The following SLC16A10 variants were observed in gnomAD, a reference collection of about 807,000 sequenced individuals.
SLC16A10 encodes solute carrier family 16 member 10, also known as monocarboxylate transporter 10.
In SLC16A10, 27 loss-of-function variants were observed where a neutral mutation model predicts 40.0. The ratio of observed to expected loss-of-function variants is 0.67; its 90% confidence interval spans 0.50 to 0.93. The LOEUF is 0.93. Ranked by LOEUF, SLC16A10 falls within the 40% of genes least tolerant of loss-of-function variation. The pLI, the probability that SLC16A10 is intolerant of heterozygous loss-of-function variation, is 0.00. For missense variants in SLC16A10, 529 were observed against 658.2 expected (o/e 0.80, Z 2.15); for synonymous variants, 213 against 249.8 (o/e 0.85, Z 1.39).
At chr6:111,101,851 T>C (rs1036648071) in intron 1 of SLC16A10, among the ~76,000 whole-genome samples, 2 of 152,186 alleles carry the variant, frequency 1.3e-5, no homozygotes, top group African/African-American at 2.4e-5. Context: ...AAACTCCTGG[T>C]CTCAAGTGAT....
chr6:111,188,894 A>G (rs1178928817), intron 3 of SLC16A10, among the ~76,000 whole-genome samples: 1 of 152,248 alleles, frequency 6.6e-6, no homozygotes. Context: ...AGATAAGAAC[A>G]TTGAGGCTCA....
At chr6:111,128,253 T>C (rs1771712494) in intron 1 of SLC16A10, among the ~76,000 whole-genome samples, 1 of 152,164 alleles carries the variant, frequency 6.6e-6, no homozygotes, top group South Asian at 2.1e-4. Flanking sequence ...GTTCCAAGCT[T>C]TTTTATCTCC....
intron 1 of SLC16A10, among the ~76,000 whole-genome samples, chr6:111,097,086 T>A (rs978820137): frequency 1.3e-5 from 2 of 152,008 alleles, no homozygotes; most frequent in Non-Finnish European, 2.9e-5. Context: ...GCTCCCAGAG[T>A]GTTGGGATTA....
chr6:111,178,897 T>A (rs1157380249), intron 3 of SLC16A10, among the ~76,000 whole-genome samples: 1 of 152,234 alleles, frequency 6.6e-6, no homozygotes, highest in Non-Finnish European at 1.5e-5. Context: ...TTAAGGTAAG[T>A]TTCCTGGAAT....
chr6:111,109,477 C>T (rs1771346561), intron 1 of SLC16A10, among the ~76,000 whole-genome samples: 1 of 139,126 alleles, frequency 7.2e-6, no homozygotes, highest in South Asian at 2.2e-4. Flanking sequence ...TTTTTCGAGA[C>T]AGAGTTTTGC....
rs776165344 is a variant in SLC16A10 at position 111,230,280 on chromosome 6, T to G, written c.*8045T>G. 25 of 152,248 alleles carry G rather than the reference T, an allele frequency of 1.6e-4. No individual in the cohort carries two copies. Among genetic ancestry groups the G allele is most frequent in the Non-Finnish European group, 2.6e-4 (18 of 68,024 alleles). The allele number at this position is 152,248 out of a possible 1,614,324, so 9.4% of individuals were successfully genotyped here. On this transcript the variant is annotated 3_prime_UTR_variant, in exon 6 of 6. Coordinates refer to ENST00000368851, the MANE Select transcript of SLC16A10 (RefSeq NM_018593.5). The stretch of plus-strand genomic sequence containing the variant: ...TGAGCCACCATGCCCGGCTAGAGAA[T>G]GACAGGTTTCAGTTGAATTCTTCTC...
intron 4 of SLC16A10, among the ~76,000 whole-genome samples, chr6:111,207,177 A>G (rs1488488010): frequency 6.6e-6 from 1 of 152,232 alleles, no homozygotes; most frequent in Non-Finnish European, 1.5e-5. Context: ...AAAATTAGTT[A>G]TTAGTTTGGG....
chr6:111,179,810 C>T (rs1257875160), intron 3 of SLC16A10, among the ~76,000 whole-genome samples: 86 of 152,188 alleles, frequency 5.7e-4, no homozygotes, highest in Non-Finnish European at 1.0e-4. Flanking sequence ...TAACGGTGCC[C>T]GTTATCGCAC....
chr6:111,222,318 C>T lies in SLC16A10; in HGVS notation c.*83C>T. The T allele has an allele frequency of 6.7e-7, 1 of 1,483,926 alleles. No homozygotes were observed. The highest frequency in any genetic ancestry group is 1.4e-5 in the South Asian group (1 of 72,614). 91.9% of individuals were successfully genotyped at this position (1,483,926 alleles called of 1,614,324 possible). A position where few individuals can be genotyped will look rare whatever the true frequency, so the allele number is the denominator to read the frequency against. ...TTCCTTTTATACAAATTGCAAATTT[C>T]ATATTTTTTTAATCACATCCTAGGA... On this transcript the variant is annotated 3_prime_UTR_variant, in exon 6 of 6. Coordinates refer to ENST00000368851, the MANE Select transcript of SLC16A10 (RefSeq NM_018593.5).
At chr6:111,153,970 A>G (rs1357356785) in intron 1 of SLC16A10, among the ~76,000 whole-genome samples, 23 of 152,230 alleles carry the variant, frequency 1.5e-4, no homozygotes, top group Admixed American at 1.5e-3. Flanking sequence ...AGAGGTGTAC[A>G]GAAATGGGTG....
In SLC16A10 at chr6:111,230,955, C is replaced by G. The variant is rs1771106345; in HGVS notation, c.*8720C>G. ...ACAATAGTTGTTCAAATGTAGATCA[C>G]TATGCTGAATGCTCATGCTGGATTT... On this transcript the variant is annotated 3_prime_UTR_variant, in exon 6 of 6. Transcript: ENST00000368851. 1 of 152,138 alleles carries G rather than the reference C, an allele frequency of 6.6e-6. No individual in the cohort carries two copies. The highest frequency in any genetic ancestry group is 6.5e-5 in the Admixed American group (1 of 15,274). The allele number at this position is 152,138 out of a possible 1,614,324, so 9.4% of individuals were successfully genotyped here.
chr6:111,092,991 A>G (rs1170584344), intron 1 of SLC16A10, among the ~76,000 whole-genome samples: 1 of 151,514 alleles, frequency 6.6e-6, no homozygotes, highest in Non-Finnish European at 1.5e-5. Context: ...TAGTGAGCCA[A>G]GATGGCGCCA....
chr6:111,213,298 A>G (rs1297978804), intron 4 of SLC16A10, among the ~76,000 whole-genome samples: 1 of 152,148 alleles, frequency 6.6e-6, no homozygotes, highest in East Asian at 1.9e-4. Flanking sequence ...GTGAATGGGC[A>G]TGGGTTGAGA....
chr6:111,220,803 G>A (rs568300266), intron 5 of SLC16A10, among the ~76,000 whole-genome samples: 1 of 152,352 alleles, frequency 6.6e-6, no homozygotes, highest in East Asian at 1.9e-4. Context: ...GCAAGAATAA[G>A]GGAGGTAACA....
At chr6:111,129,696 A>G (rs747830660) in intron 1 of SLC16A10, among the ~76,000 whole-genome samples, 84 of 152,228 alleles carry the variant, frequency 5.5e-4, no homozygotes, top group Non-Finnish European at 5.1e-4. Flanking sequence ...TCCCATATTC[A>G]GAATCTTTAC....
intron 1 of SLC16A10, 90 bp from the exon 2 acceptor site, chr6:111,172,605 A>G (rs1460487969): frequency 6.8e-7 from 1 of 1,460,650 alleles, no homozygotes; most frequent in Non-Finnish European, 9.1e-7. Context: ...TAAAAATAAA[A>G]TTTTTCTAAA....
At chr6:111,185,291 T>C (rs1772875436) in intron 3 of SLC16A10, among the ~76,000 whole-genome samples, 1 of 152,212 alleles carries the variant, frequency 6.6e-6, no homozygotes. Context: ...GGAGTCTGCA[T>C]TCCTTCATTG....
chr6:111,178,803 A>G (rs1315141081), intron 3 of SLC16A10: 1 of 195,280 alleles, frequency 5.1e-6, no homozygotes, highest in Non-Finnish European at 1.0e-5. Flanking sequence ...ATAAGTATAA[A>G]TATAACCGAT....
intron 1 of SLC16A10, among the ~76,000 whole-genome samples, chr6:111,104,685 C>G (rs1314471193): frequency 6.6e-6 from 1 of 152,116 alleles, no homozygotes; most frequent in East Asian, 1.9e-4. Context: ...CTGGTAGTCT[C>G]AGAGTGACGC....
Sources: allele counts gnomAD v4.1 joint callset (sites outside exome capture counted in the v4.1 genomes callset), GRCh38; gene constraint gnomAD v4.1.1; transcripts MANE v1.5; gene names NCBI Gene and HGNC (gene_info 2026-07-23, HGNC 2026-07-21).